The following RIN3 variants were observed in gnomAD, a reference collection of about 807,000 sequenced individuals.
The protein encoded by RIN3 is Ras and Rab interactor 3.
RIN3 carries 54 observed loss-of-function variants against 76.3 expected under a neutral mutation model. That is an observed-to-expected ratio of 0.71 (90% CI 0.57 to 0.89). RIN3 has a LOEUF of 0.89. Among genes scored for constraint, RIN3 ranks in the 40% least tolerant of loss-of-function variants. RIN3 has a pLI of 0.00. For missense variants in RIN3, 1,256 were observed against 1,322.1 expected, an observed-to-expected ratio of 0.95 and a Z score of 0.78; for synonymous variants, 576 against 564.0, an observed-to-expected ratio of 1.02 and a Z score of -0.30.
At position 92,653,078 on chromosome 14, in the gene RIN3, C is replaced by T; in HGVS notation, c.2026+3C>T. 6.3e-7 allele frequency: 1 copy of T among 1,597,106 alleles called. No individual in the cohort carries two copies. The highest frequency in any genetic ancestry group is 1.1e-5 in the South Asian group (1 of 90,516). On this transcript the variant is annotated splice_donor_region_variant and intron_variant, in intron 6 of 9. Transcript: ENST00000216487. Reference sequence around the variant, plus strand: ...CCTGCACTCCGAGGAGGAGCTCGGTCAGTGCCCTGGGAGGAGGTGGCAGGG... The same window carrying T: ...CCTGCACTCCGAGGAGGAGCTCGGTTAGTGCCCTGGGAGGAGGTGGCAGGG...
chr14:92,531,880 C>T (rs550266674), intron 1 of RIN3, among the ~76,000 whole-genome samples: 94 of 151,916 alleles, frequency 6.2e-4, no homozygotes, highest in African/African-American at 2.3e-3. Context: ...TTTTAAACCC[C>T]TCCCCCCAGT....
At chr14:92,636,374 A>G (rs781375073) in intron 4 of RIN3, among the ~76,000 whole-genome samples, 1 of 152,138 alleles carries the variant, frequency 6.6e-6, no homozygotes, top group Non-Finnish European at 1.5e-5. Flanking sequence ...ACCTGAAGTC[A>G]GGAGTTTAAG....
intron 4 of RIN3, among the ~76,000 whole-genome samples, chr14:92,630,958 G>T (rs968521835): frequency 6.6e-6 from 1 of 152,184 alleles, no homozygotes; most frequent in African/African-American, 2.4e-5. Flanking sequence ...GAGCTCTGTG[G>T]TTGTGCAATT....
At chr14:92,565,090 C>G (rs1358732785) in intron 2 of RIN3, among the ~76,000 whole-genome samples, 3 of 152,186 alleles carry the variant, frequency 2.0e-5, no homozygotes. Flanking sequence ...TCCCTGTGTT[C>G]CCTCACTGCT....
At chr14:92,629,236 C>T (rs1886473981) in intron 4 of RIN3, among the ~76,000 whole-genome samples, 1 of 152,176 alleles carries the variant, frequency 6.6e-6, no homozygotes, top group Non-Finnish European at 1.5e-5. Flanking sequence ...AAACTTTGGA[C>T]TTACCTCTTC....
intron 1 of RIN3, among the ~76,000 whole-genome samples, chr14:92,521,470 A>G (rs1002254771): frequency 4.6e-5 from 7 of 152,192 alleles, no homozygotes; most frequent in African/African-American, 1.7e-4. Flanking sequence ...GGGCAGATCC[A>G]TCATGAATGA....
chr14:92,635,103 T>C (rs1341569147), intron 4 of RIN3, among the ~76,000 whole-genome samples: 1 of 152,056 alleles, frequency 6.6e-6, no homozygotes, highest in African/African-American at 2.4e-5. Flanking sequence ...TATCTGGAGG[T>C]TTTTCTTGGC....
intron 8 of RIN3, among the ~76,000 whole-genome samples, chr14:92,678,788 GTGAA>G (rs1390915520): frequency 6.6e-6 from 1 of 152,202 alleles, no homozygotes; most frequent in Non-Finnish European, 1.5e-5. Context: ...ATAGCCTTGT[GTGAA>G]TGAATGAATG....
chr14:92,608,969 A>T (rs1484700873), intron 3 of RIN3, among the ~76,000 whole-genome samples: 1 of 151,902 alleles, frequency 6.6e-6, no homozygotes, highest in Non-Finnish European at 1.5e-5. Flanking sequence ...GATTTCTGAG[A>T]TTTTGGTGCA....
At chr14:92,606,145 C>CAA (rs10573887) in intron 3 of RIN3, among the ~76,000 whole-genome samples, 1,014 of 95,902 alleles carry the variant, frequency 0.011, 7 homozygotes, top group Non-Finnish European at 0.012. Context: ...GAGCCAGTCT[C>CAA]AAAAAAAAAA....
chr14:92,674,341 C>A (rs888090595), intron 7 of RIN3, among the ~76,000 whole-genome samples: 5 of 152,214 alleles, frequency 3.3e-5, no homozygotes, highest in African/African-American at 1.2e-4. Context: ...AGGCAGGAAG[C>A]AGCCTCATTG....
chr14:92,646,976 A>G (rs576367565), intron 5 of RIN3, among the ~76,000 whole-genome samples: 59 of 152,352 alleles, frequency 3.9e-4, no homozygotes, highest in African/African-American at 1.4e-3. Flanking sequence ...AGTTAAGGCT[A>G]AAGATTTACT....
chr14:92,545,023 G>A (rs7141622), intron 1 of RIN3, among the ~76,000 whole-genome samples: 29,194 of 149,684 alleles, frequency 0.2, 2,887 homozygotes, highest in African/African-American at 0.25. Flanking sequence ...CATTCCTTCC[G>A]TAATTTGCTT....
intron 2 of RIN3, among the ~76,000 whole-genome samples, chr14:92,561,044 A>AAAAAATATATATATATATATATAT (rs1555383856): frequency 1.8e-3 from 44 of 24,354 alleles, no homozygotes; most frequent in Non-Finnish European, 3.3e-3. Context: ...AAAAAAAAAA[A>AAAAAATATATATATATATATATAT]ATATATATAT....
intron 5 of RIN3, among the ~76,000 whole-genome samples, chr14:92,649,396 G>T (rs191457066): frequency 7.2e-5 from 11 of 152,158 alleles, no homozygotes; most frequent in Non-Finnish European, 1.3e-4. Context: ...ACTTTGTTGG[G>T]CCTGTGTAGA....
At chr14:92,577,182 G>A in intron 2 of RIN3, 178 bp from the exon 3 acceptor site, 2 of 545,906 alleles carry the variant, frequency 3.7e-6, no homozygotes, top group Non-Finnish European at 3.4e-6. Context: ...TGTGGATGTG[G>A]GCCAGGTGGC....
At chr14:92,567,233 G>A (rs1394110323) in intron 2 of RIN3, among the ~76,000 whole-genome samples, 2 of 152,196 alleles carry the variant, frequency 1.3e-5, no homozygotes, top group Non-Finnish European at 2.9e-5. Flanking sequence ...CCCAAAGGTG[G>A]AGGCCACATG....
intron 4 of RIN3, among the ~76,000 whole-genome samples, chr14:92,616,917 C>T (rs890347280): frequency 1.3e-5 from 2 of 152,176 alleles, no homozygotes; most frequent in African/African-American, 2.4e-5. Context: ...TCCTTAAAGT[C>T]TTAGCACAAA....
rs114073853 is a variant in RIN3 at position 92,585,406 on chromosome 14, A to G, written c.367+7929A>G. On this transcript the variant is annotated intron_variant, in intron 3 of 9. Coordinates refer to ENST00000216487, the MANE Select transcript of RIN3 (RefSeq NM_024832.5). Reference sequence around the variant, plus strand: ...CTCCACTGCCCAGGAGGACTCATCTAGCATTTCTCCTTTCCTGAATTTAAA... The same window carrying G: ...CTCCACTGCCCAGGAGGACTCATCTGGCATTTCTCCTTTCCTGAATTTAAA... Among the ~76,000 whole-genome samples, 1,102 of 152,284 alleles carry G rather than the reference A, an allele frequency of 7.2e-3. 14 individuals carry two copies. The highest frequency in any genetic ancestry group is 0.025 in the African/African-American group (1,034 of 41,556).
Sources: allele counts gnomAD v4.1 joint callset (sites outside exome capture counted in the v4.1 genomes callset), GRCh38; gene constraint gnomAD v4.1.1; transcripts MANE v1.5; gene names NCBI Gene and HGNC (gene_info 2026-07-23, HGNC 2026-07-21).